The following RB1 variants were observed in gnomAD, a reference collection of about 807,000 sequenced individuals.
RB1 encodes RB transcriptional corepressor 1.
RB1 carries 18 observed loss-of-function variants against 135.4 expected under a neutral mutation model. The ratio of observed to expected loss-of-function variants is 0.13; its 90% CI spans 0.09 to 0.20. RB1 has a LOEUF of 0.20. RB1 is among the 10% of genes least tolerant of loss of function. The pLI is 1.00. For synonymous variants in RB1, 365 were observed against 373.2 expected, an observed-to-expected ratio of 0.98 and a Z score of 0.25; for missense variants, 868 against 1,110.0, an observed-to-expected ratio of 0.78 and a Z score of 3.10.
intron 17 of RB1, among the ~76,000 whole-genome samples, chr13:48,421,074 A>G (rs1454308060): frequency 6.6e-6 from 1 of 152,240 alleles, no homozygotes; most frequent in African/African-American, 2.4e-5. Flanking sequence ...CCATATAGCC[A>G]AGACAATCCT....
At chr13:48,365,558 A>G (rs544026296) in intron 9 of RB1, among the ~76,000 whole-genome samples, 1 of 152,302 alleles carries the variant, frequency 6.6e-6, no homozygotes, top group African/African-American at 2.4e-5. Context: ...TTTGCATGGT[A>G]AGACGAAATA....
chr13:48,408,471 A>G (rs1383656618), intron 17 of RB1, among the ~76,000 whole-genome samples: 1 of 152,100 alleles, frequency 6.6e-6, no homozygotes, highest in Non-Finnish European at 1.5e-5. Flanking sequence ...TTTTATGAAA[A>G]TGTTAATAAC....
chr13:48,307,184 A>T (rs2138033362), intron 1 of RB1, 96 bp from the exon 2 acceptor site: 1 of 933,518 alleles, frequency 1.1e-6, no homozygotes, highest in African/African-American at 1.7e-5. Context: ...GTTCTTTTTC[A>T]CAGTAGTGTT....
chr13:48,333,798 CT>C (rs1952358601), intron 2 of RB1, among the ~76,000 whole-genome samples: 1 of 147,952 alleles, frequency 6.8e-6, no homozygotes, highest in African/African-American at 2.5e-5. Context: ...TTTTTTTTTC[CT>C]TTTTAGAACT....
intron 2 of RB1, chr13:48,320,316 C>G: frequency 8.1e-7 from 1 of 1,237,366 alleles, no homozygotes; most frequent in Non-Finnish European, 1.2e-6. Flanking sequence ...TGCGCTGCAG[C>G]GTGCTGATGA....
intron 21 of RB1, among the ~76,000 whole-genome samples, chr13:48,464,383 T>C (rs191369418): frequency 4.6e-5 from 7 of 152,344 alleles, no homozygotes; most frequent in African/African-American, 1.7e-4. Context: ...AAGTCATTTT[T>C]GTTTGTATGT....
chr13:48,456,110 C>CA, intron 18 of RB1, 94 bp from the exon 19 acceptor site: 1 of 1,564,004 alleles, frequency 6.4e-7, no homozygotes, highest in East Asian at 2.3e-5. Context: ...ATTAAATAGA[C>CA]AAGATGTATC....
At chr13:48,478,978 G>A (rs1429240717) in intron 26 of RB1, among the ~76,000 whole-genome samples, 1 of 152,158 alleles carries the variant, frequency 6.6e-6, no homozygotes, top group East Asian at 1.9e-4. Context: ...TGTAATACCA[G>A]CACTATGGGA....
intron 17 of RB1, among the ~76,000 whole-genome samples, chr13:48,396,649 G>A (rs1260413883): frequency 2.0e-5 from 3 of 152,158 alleles, no homozygotes; most frequent in Admixed American, 6.5e-5. Context: ...TGACGAATGG[G>A]ATCTAATTAA....
At chr13:48,474,640 C>T (rs142493721) in intron 24 of RB1, among the ~76,000 whole-genome samples, 1 of 152,226 alleles carries the variant, frequency 6.6e-6, no homozygotes, top group East Asian at 1.9e-4. Context: ...TGTCCTTCCT[C>T]TCAGACTTCT....
intron 11 of RB1, 27 bp from the exon 12 acceptor site, chr13:48,373,378 A>G (rs1283412694): frequency 2.2e-6 from 3 of 1,374,796 alleles, no homozygotes; most frequent in Admixed American, 3.4e-5. Flanking sequence ...ATTGCTTAAC[A>G]CATTTTCCTA....
At chr13:48,463,915 A>T (rs1949420791) in intron 21 of RB1, 80 bp downstream of exon 21, 1 of 865,772 alleles carries the variant, frequency 1.2e-6, no homozygotes, top group East Asian at 2.4e-5. Context: ...GATCTCATTT[A>T]TTCATTAATG....
intron 17 of RB1, chr13:48,422,765 A>T (rs1949025214): frequency 6.7e-6 from 1 of 149,596 alleles, no homozygotes; most frequent in South Asian, 2.2e-4. Flanking sequence ...ACTGCACTTC[A>T]GCCTGGTGAC....
chr13:48,381,152 T>C (rs536780741), intron 16 of RB1, 95 bp from the exon 17 acceptor site: 2,088 of 1,471,124 alleles, frequency 1.4e-3, no homozygotes, highest in Non-Finnish European at 1.8e-3. Context: ...GTTTAACCTT[T>C]CTACTGTTTT....
At chr13:48,414,342 CAAA>C (rs199626771) in intron 17 of RB1, among the ~76,000 whole-genome samples, 4 of 93,100 alleles carry the variant, frequency 4.3e-5, no homozygotes, top group African/African-American at 7.3e-5. Context: ...GAGACTATCT[CAAA>C]AAAAAAAAAA....
rs1239036262 is a variant in RB1, at chr13:48,463,811, G to A, written c.2187G>A (p.Lys729=). 1 of 1,604,928 alleles carries A rather than the reference G, an allele frequency of 6.2e-7. No homozygotes were observed. Among genetic ancestry groups the A allele is most frequent in the South Asian group, 1.1e-5 (1 of 90,868 alleles). ...LKFKIIVTAY[K]DLPHAVQETF... ...TCAAAATCATTGTAACAGCATACAA[G>A]GATCTTCCTCATGCTGTTCAGGAGG... is the stretch of plus-strand genomic sequence containing the variant. The change falls in exon 21 of 27, where the codon AAG becomes AAA. Residue 729 remains lysine (K), a synonymous_variant. Coordinates refer to ENST00000267163, the MANE Select transcript of RB1 (RefSeq NM_000321.3).
At chr13:48,359,918 T>C in intron 6 of RB1, 99 bp from the exon 7 acceptor site, 4 of 1,517,660 alleles carry the variant, frequency 2.6e-6, no homozygotes, top group Non-Finnish European at 3.5e-6. Context: ...TAGTGATTGT[T>C]GAATGAATAA....
chr13:48,390,884 T>C (rs547515528), intron 17 of RB1, among the ~76,000 whole-genome samples: 19 of 152,340 alleles, frequency 1.2e-4, no homozygotes, highest in Admixed American at 2.0e-4. Flanking sequence ...AGGCAGCATA[T>C]TGTTGGGTGT....
chr13:48,402,075 A>G (rs879171097), intron 17 of RB1, among the ~76,000 whole-genome samples: 2 of 152,140 alleles, frequency 1.3e-5, no homozygotes, highest in African/African-American at 4.8e-5. Context: ...AAGATGAAAA[A>G]GGTGGAGAAG....
Sources: gnomAD v4.1 joint callset for allele counts (sites outside exome capture counted in the v4.1 genomes callset) on GRCh38, gnomAD v4.1.1 for gene constraint, MANE v1.5 for transcripts, NCBI Gene and HGNC (gene_info 2026-07-23, HGNC 2026-07-21) for gene names.